The following IQGAP2 variants were observed in gnomAD, a reference collection of about 807,000 sequenced individuals.
IQGAP2 encodes the protein IQ motif containing GTPase activating protein 2.
In IQGAP2, 173 loss-of-function variants were observed where a neutral mutation model predicts 201.3. That is an observed-to-expected ratio of 0.86 (90% CI 0.76 to 0.98). IQGAP2 has a LOEUF of 0.98. Ranked by LOEUF, IQGAP2 falls within the 50% of genes least tolerant of loss-of-function variation. The pLI, the probability that IQGAP2 is intolerant of heterozygous loss-of-function variation, is 0.00. For synonymous variants in IQGAP2, 675 were observed against 673.9 expected (o/e 1.00, Z -0.03); for missense variants, 1,687 against 1,864.8 (o/e 0.90, Z 1.76).
At chr5:76,618,081 T>C in intron 13 of IQGAP2, 1 of 1,614,110 alleles carries the variant, frequency 6.2e-7, no homozygotes, top group African/African-American at 1.3e-5. Context: ...TACCAAGGCA[T>C]AGGTGTGCTT....
chr5:76,455,973 A>T (rs1335230136), intron 1 of IQGAP2, among the ~76,000 whole-genome samples: 1 of 152,202 alleles, frequency 6.6e-6, no homozygotes, highest in Non-Finnish European at 1.5e-5. Flanking sequence ...GAACAGTTCC[A>T]GGAATGATGT....
At chr5:76,666,404 G>A (rs1044578082) in intron 22 of IQGAP2, among the ~76,000 whole-genome samples, 2 of 152,220 alleles carry the variant, frequency 1.3e-5, no homozygotes, top group Admixed American at 6.5e-5. Flanking sequence ...GAAATTTCAA[G>A]CATATTGAAG....
intron 2 of IQGAP2, among the ~76,000 whole-genome samples, chr5:76,537,183 A>G (rs1360186478): frequency 2.0e-5 from 3 of 152,224 alleles, no homozygotes; most frequent in Non-Finnish European, 2.9e-5. Context: ...TGATATTTGC[A>G]TAGTGATTCG....
intron 1 of IQGAP2, among the ~76,000 whole-genome samples, chr5:76,452,235 T>C (rs1416286662): frequency 6.6e-6 from 1 of 150,996 alleles, no homozygotes; most frequent in Non-Finnish European, 1.5e-5. Flanking sequence ...TCTTTTCTTT[T>C]TTTTTTTTTG....
intron 2 of IQGAP2, among the ~76,000 whole-genome samples, chr5:76,483,608 G>T (rs1329803437): frequency 6.6e-6 from 1 of 152,204 alleles, no homozygotes; most frequent in East Asian, 1.9e-4. Context: ...TTCGAGTCAA[G>T]CACATAAAAG....
At chr5:76,600,305 C>G (rs961191390) in intron 10 of IQGAP2, among the ~76,000 whole-genome samples, 5 of 152,142 alleles carry the variant, frequency 3.3e-5, no homozygotes, top group African/African-American at 1.2e-4. Context: ...GAAAATGTCA[C>G]TTTAACTTTT....
chr5:76,531,509 C>G (rs1267656834), intron 2 of IQGAP2, among the ~76,000 whole-genome samples: 1 of 152,106 alleles, frequency 6.6e-6, no homozygotes, highest in Non-Finnish European at 1.5e-5. Flanking sequence ...CAGCATTAAT[C>G]TACTCATGAG....
chr5:76,450,131 G>A (rs1753641604), intron 1 of IQGAP2, among the ~76,000 whole-genome samples: 1 of 152,170 alleles, frequency 6.6e-6, no homozygotes, highest in Non-Finnish European at 1.5e-5. Context: ...TTGCAGCTTT[G>A]TTGCCCTAGT....
chr5:76,474,909 A>G (rs1176459304), intron 2 of IQGAP2, among the ~76,000 whole-genome samples: 1 of 152,120 alleles, frequency 6.6e-6, no homozygotes, highest in Non-Finnish European at 1.5e-5. Flanking sequence ...ACGGGGTTTC[A>G]CCATATTGGT....
intron 12 of IQGAP2, among the ~76,000 whole-genome samples, chr5:76,610,074 CTCTATATATATA>C (rs1470670357): frequency 4.3e-3 from 19 of 4,398 alleles, no homozygotes; most frequent in Admixed American, 0.015. Flanking sequence ...CTCTCTCTCT[CTCTATATATATA>C]TATATATATA....
At chr5:76,682,859 A>G (rs1337096170) in intron 28 of IQGAP2, among the ~76,000 whole-genome samples, 4 of 152,218 alleles carry the variant, frequency 2.6e-5, no homozygotes, top group Admixed American at 6.5e-5. Flanking sequence ...ATCAGGTGGT[A>G]GAAGGCTTCC....
rs1561364920 is a variant in IQGAP2 at position 76,429,579 on chromosome 5, A to AATTTATATATATATATATATATAT, written c.46+26006_46+26007insATATATATTTATATATATATATAT. Among the ~76,000 whole-genome samples the AATTTATATATATATATATATATAT allele has an allele frequency of 5.1e-4, 62 of 122,380 alleles. 1 individual carries two copies. The highest frequency in any genetic ancestry group is 1.8e-3 in the African/African-American group (61 of 33,572). 80.3% of individuals were successfully genotyped at this position (122,380 alleles called of 152,430 possible). On this transcript the variant is annotated intron_variant, in intron 1 of 35. Transcript: ENST00000274364. ...AGAGCGAGACTCTGTCTCAAAAAAA[A>AATTTATATATATATATATATATAT]ATTTATATATATATATATGTATATT...
rs1439493249 is a variant in IQGAP2 at position 76,588,959 on chromosome 5, A to T, written c.512A>T (p.Lys171Ile). 1 of 1,604,800 alleles carries T rather than the reference A, an allele frequency of 6.2e-7. No individual in the cohort carries two copies. Among genetic ancestry groups the T allele is most frequent in the Non-Finnish European group, 8.5e-7 (1 of 1,172,158 alleles). The change falls in exon 6 of 36, where the codon AAA (lysine) becomes ATA (isoleucine). Residue 171 changes from lysine to isoleucine, a missense_variant. Physicochemically the swap from Lys to Ile is moderately radical, Grantham distance 102. Coordinates refer to ENST00000274364, the MANE Select transcript of IQGAP2 (RefSeq NM_006633.5). The stretch of plus-strand genomic sequence containing the variant: ...CCCCAGATCCAGGATTTGTTGGGCA[A>T]AGTAGACTTCACAGGTACTACTCTT... ...IAPQIQDLLG[K>I]VDFTEEEISN... is the part of the protein sequence containing the mutation.
chr5:76,442,812 C>T (rs547671879), intron 1 of IQGAP2, among the ~76,000 whole-genome samples: 3 of 152,210 alleles, frequency 2.0e-5, no homozygotes, highest in African/African-American at 7.2e-5. Flanking sequence ...ATGGTGAAAC[C>T]CCGTCTCTAC....
chr5:76,555,974 GC>G (rs1743916129), intron 2 of IQGAP2, among the ~76,000 whole-genome samples: 1 of 152,178 alleles, frequency 6.6e-6, no homozygotes, highest in Non-Finnish European at 1.5e-5. Context: ...TATTGAAGGA[GC>G]TACATTGTCT....
chr5:76,585,451 T>C (rs1469717084), intron 5 of IQGAP2, among the ~76,000 whole-genome samples: 2 of 152,136 alleles, frequency 1.3e-5, no homozygotes, highest in Non-Finnish European at 2.9e-5. Flanking sequence ...ATGAAAGAAA[T>C]TGAAGTGATA....
intron 26 of IQGAP2, 50 bp downstream of exon 26, chr5:76,674,086 C>A: frequency 3.1e-6 from 3 of 975,068 alleles, no homozygotes; most frequent in Non-Finnish European, 5.0e-6. Context: ...GGGTATGAAT[C>A]AAAATTACCA....
chr5:76,605,265 T>C (rs76266891), intron 11 of IQGAP2, among the ~76,000 whole-genome samples: 4,570 of 152,268 alleles, frequency 0.03, 213 homozygotes, highest in African/African-American at 0.1. Flanking sequence ...AAAAAAGTAA[T>C]TGGAGTGGTT....
chr5:76,669,059 CT>C (rs1368406533), intron 23 of IQGAP2, among the ~76,000 whole-genome samples: 1 of 152,148 alleles, frequency 6.6e-6, no homozygotes, highest in Non-Finnish European at 1.5e-5. Flanking sequence ...GTTAAATTAA[CT>C]TTTGATTTTG....
Sources: gnomAD v4.1 joint callset for allele counts (sites outside exome capture counted in the v4.1 genomes callset) on GRCh38, gnomAD v4.1.1 for gene constraint, MANE v1.5 for transcripts, NCBI Gene and HGNC (gene_info 2026-07-23, HGNC 2026-07-21) for gene names.